Variants in TRDN observed in about 807,000 individuals in gnomAD.
TRDN encodes the protein triadin in skeletal muscle.
TRDN carries 161 observed loss-of-function variants against 149.7 expected under a neutral mutation model. The observed-to-expected ratio is 1.08, with a 90% confidence interval of 0.95 to 1.23. The LOEUF is 1.23. Among genes scored for constraint, TRDN ranks in the 50% most tolerant of loss-of-function variants. The pLI, the probability that TRDN is intolerant of heterozygous loss-of-function variation, is 0.00. For missense variants in TRDN, 896 were observed against 823.5 expected (o/e 1.09, Z -1.08); for synonymous variants, 294 against 250.5 (o/e 1.17, Z -1.64).
At chr6:123,564,067 T>C (rs1277743086) in intron 2 of TRDN, among the ~76,000 whole-genome samples, 1 of 152,244 alleles carries the variant, frequency 6.6e-6, no homozygotes, top group Non-Finnish European at 1.5e-5. Context: ...CTTTTTTTCT[T>C]TATCTTTTTC....
chr6:123,451,628 A>C (rs1428593820), intron 10 of TRDN, among the ~76,000 whole-genome samples: 1 of 152,114 alleles, frequency 6.6e-6, no homozygotes, highest in African/African-American at 2.4e-5. Flanking sequence ...AACAAAAAAA[A>C]GTCCAGGACC....
intron 21 of TRDN, among the ~76,000 whole-genome samples, chr6:123,346,594 A>G (rs1417905478): frequency 6.6e-6 from 1 of 152,030 alleles, no homozygotes; most frequent in Admixed American, 6.6e-5. Context: ...TGTTGTGCTT[A>G]CCAGAATGAC....
At chr6:123,622,484 C>T (rs960025573) in intron 1 of TRDN, among the ~76,000 whole-genome samples, 2 of 152,094 alleles carry the variant, frequency 1.3e-5, no homozygotes. Flanking sequence ...ACTGGTAAGT[C>T]GGTGTCCTTA....
intron 1 of TRDN, among the ~76,000 whole-genome samples, chr6:123,582,452 G>A (rs965988783): frequency 6.8e-6 from 1 of 146,662 alleles, no homozygotes; most frequent in Non-Finnish European, 1.5e-5. Context: ...AAGGGAGATA[G>A]GGGTGGGGCC....
At chr6:123,587,351 TGAAAG>T (rs1783548576) in intron 1 of TRDN, among the ~76,000 whole-genome samples, 1 of 151,200 alleles carries the variant, frequency 6.6e-6, no homozygotes, top group African/African-American at 2.4e-5. Flanking sequence ...TACCAGAAAA[TGAAAG>T]GAATTGAAAT....
chr6:123,569,730 C>T (rs1562395505), intron 2 of TRDN, among the ~76,000 whole-genome samples: 1 of 151,910 alleles, frequency 6.6e-6, no homozygotes, highest in Non-Finnish European at 1.5e-5. Context: ...CAGGGAGGTG[C>T]CACACACTTA....
intron 38 of TRDN, among the ~76,000 whole-genome samples, chr6:123,244,899 T>C (rs1187173321): frequency 6.6e-6 from 1 of 152,174 alleles, no homozygotes; most frequent in East Asian, 1.9e-4. Context: ...CAGATCTCTC[T>C]GCAGAAACCC....
intron 20 of TRDN, among the ~76,000 whole-genome samples, chr6:123,359,250 T>C (rs931426439): frequency 2.6e-5 from 4 of 152,188 alleles, no homozygotes; most frequent in African/African-American, 9.7e-5. Context: ...TCTTCTAACA[T>C]AGTCGGAATT....
intron 6 of TRDN, among the ~76,000 whole-genome samples, chr6:123,514,324 C>T (rs1189580431): frequency 6.6e-6 from 1 of 152,022 alleles, no homozygotes; most frequent in East Asian, 1.9e-4. Flanking sequence ...CACTGCACTT[C>T]AGTCTGGGTG....
chr6:123,407,104 G>GA (rs1178870288), intron 12 of TRDN, among the ~76,000 whole-genome samples: 1 of 152,010 alleles, frequency 6.6e-6, no homozygotes, highest in Non-Finnish European at 1.5e-5. Context: ...TGGATGTCTT[G>GA]AAAAAAGACA....
At chr6:123,614,008 T>A (rs1189945945) in intron 1 of TRDN, among the ~76,000 whole-genome samples, 1 of 152,098 alleles carries the variant, frequency 6.6e-6, no homozygotes, top group African/African-American at 2.4e-5. Flanking sequence ...GCAGAGTTAT[T>A]TTCTAGTCAC....
At chr6:123,444,854 A>G (rs899436878) in intron 10 of TRDN, among the ~76,000 whole-genome samples, 1 of 152,192 alleles carries the variant, frequency 6.6e-6, no homozygotes, top group Non-Finnish European at 1.5e-5. Flanking sequence ...CCAGCCTTGC[A>G]TTCCAGGGAT....
intron 21 of TRDN, among the ~76,000 whole-genome samples, chr6:123,345,659 G>A (rs1011249827): frequency 6.6e-6 from 1 of 152,040 alleles, no homozygotes; most frequent in African/African-American, 2.4e-5. Context: ...AGAATTGGCA[G>A]CTTGACAATA....
At chr6:123,297,470 G>GT (rs57768447) in intron 24 of TRDN, among the ~76,000 whole-genome samples, 19 of 151,346 alleles carry the variant, frequency 1.3e-4, no homozygotes, top group African/African-American at 2.9e-4. Flanking sequence ...CTACTTCGAA[G>GT]TTTTTTTTTA....
intron 24 of TRDN, among the ~76,000 whole-genome samples, chr6:123,287,931 C>T (rs997247203): frequency 1.3e-4 from 20 of 151,704 alleles, no homozygotes; most frequent in African/African-American, 4.8e-4. Context: ...GGGACTTTAG[C>T]CTTATTTTTT....
intron 12 of TRDN, among the ~76,000 whole-genome samples, chr6:123,394,214 C>T (rs748705835): frequency 2.6e-4 from 40 of 152,014 alleles, no homozygotes; most frequent in Non-Finnish European, 5.0e-4. Flanking sequence ...GAGCAAGCTT[C>T]ATTATGAATC....
intron 38 of TRDN, among the ~76,000 whole-genome samples, chr6:123,249,820 A>G (rs1018185696): frequency 1.3e-5 from 2 of 152,148 alleles, no homozygotes; most frequent in African/African-American, 2.4e-5. Flanking sequence ...AATCAAAACA[A>G]GAGAAAGAAA....
At chr6:123,434,765 A>AT (rs550924781) in intron 12 of TRDN, among the ~76,000 whole-genome samples, 1,784 of 151,530 alleles carry the variant, frequency 0.012, 44 homozygotes, top group African/African-American at 0.04. Context: ...TACCAAGATG[A>AT]TTTTTTTTTA....
At chr6:123,325,379 T>G (rs1449021024) in intron 23 of TRDN, among the ~76,000 whole-genome samples, 1 of 151,928 alleles carries the variant, frequency 6.6e-6, no homozygotes, top group Non-Finnish European at 1.5e-5. Flanking sequence ...TACAGAAAAA[T>G]TAAAATACTA....
Sources: allele counts gnomAD v4.1 joint callset (sites outside exome capture counted in the v4.1 genomes callset), GRCh38; gene constraint gnomAD v4.1.1; transcripts MANE v1.5; gene names NCBI Gene and HGNC (gene_info 2026-07-23, HGNC 2026-07-21).